Variants in GHDC observed in about 807,000 individuals in gnomAD.
GHDC encodes GH3 domain containing.
GHDC carries 39 observed loss-of-function variants against 51.5 expected under a neutral mutation model. The ratio of observed to expected loss-of-function variants is 0.76; its 90% CI spans 0.59 to 0.99. The LOEUF (loss-of-function observed/expected upper bound fraction) is 0.99, where lower values mean the gene tolerates loss of function less well. GHDC is among the 50% of genes least tolerant of loss of function. The probability of loss-of-function intolerance (pLI) is 0.00; values close to 1 mark genes in which losing one functional copy is unlikely to be tolerated. For synonymous variants in GHDC, 282 were observed against 305.2 expected (o/e 0.92, Z 0.79); for missense variants, 610 against 672.8 (o/e 0.91, Z 1.03).
chr17:42,189,162 G>C lies in GHDC; in HGVS notation c.*541C>G. ...GGGAGTGGGGAAGAGAGGGAAGGGA[G>C]AGCCCCCGCAGGAAGTACATGAATG... is the stretch of plus-strand genomic sequence containing the variant. On this transcript the variant is annotated 3_prime_UTR_variant, in exon 10 of 10. Transcript: ENST00000587427. The C allele has an allele frequency of 2.5e-6, 1 of 398,656 alleles. No homozygotes were observed. Among genetic ancestry groups the C allele is most frequent in the Non-Finnish European group, 4.4e-6 (1 of 226,118 alleles). 24.7% of individuals were successfully genotyped at this position (398,656 alleles called of 1,614,324 possible).
chr17:42,192,343 C>A lies in GHDC; in HGVS notation c.787G>T (p.Val263Leu). ...GCCTGGCCTCCTGCATCCAGAGTCACCACCACCTGCAGCTTTGGCCAGAGC... is the reference window on the plus strand; with the variant it reads ...GCCTGGCCTCCTGCATCCAGAGTCAACACCACCTGCAGCTTTGGCCAGAGC... Reference protein sequence around the residue: ...LRLWPKLQVVVTLDAGGQAEA... With the variant: ...LRLWPKLQVVLTLDAGGQAEA... Residue 263 changes from valine to leucine, a missense_variant, in exon 5 of 10, where the codon GTG (valine) becomes TTG (leucine). Val to Leu is a conservative substitution (Grantham distance 32, BLOSUM62 1). Around this residue, in one of 2 missense-constraint regions of GHDC, gnomAD observed 412 missense variants for 410.4 expected, o/e 1.00. Transcript: ENST00000587427. 1 of 1,613,254 alleles carries A rather than the reference C, an allele frequency of 6.2e-7. No individual in the cohort carries two copies. Among genetic ancestry groups the A allele is most frequent in the Non-Finnish European group, 8.5e-7 (1 of 1,179,848 alleles).
In GHDC at chr17:42,193,601, A is replaced by G. The variant is rs1054856099; in HGVS notation, c.-13-7T>C. 2.0e-6 allele frequency: 3 copies of G among 1,525,450 alleles called. No homozygotes were observed. The highest frequency in any genetic ancestry group is 2.7e-5 in the African/African-American group (2 of 72,822). 94.5% of individuals were successfully genotyped at this position (1,525,450 alleles called of 1,614,324 possible). Reference sequence around the variant, plus strand: ...CAGCATCTCCAAGCAGCTCCTGGGAAGAGGAAGGAACCGAGATATGGGGGC... The same window carrying G: ...CAGCATCTCCAAGCAGCTCCTGGGAGGAGGAAGGAACCGAGATATGGGGGC... On this transcript the variant is annotated splice_region_variant and splice_polypyrimidine_tract_variant and intron_variant, in intron 2 of 9. Coordinates refer to ENST00000587427, the MANE Select transcript of GHDC (RefSeq NM_032484.5).
At chr17:42,190,314 C>CA in intron 8 of GHDC, 44 bp from the exon 9 acceptor site, 2 of 1,614,174 alleles carry the variant, frequency 1.2e-6, no homozygotes, top group Non-Finnish European at 1.7e-6. Context: ...GGTGAATGGG[C>CA]AGCTGCCAAG....
At position 42,191,005 on chromosome 17, in the gene GHDC, T is replaced by C; in HGVS notation, c.1082+13A>G. On this transcript the variant is annotated intron_variant, in intron 6 of 9. Transcript: ENST00000587427. ...ATAGGGCCCCAGGTAGCAGGGGCTG[T>C]GCAGCTGATCACCTGGTGAGGCTGG... is the stretch of plus-strand genomic sequence containing the variant. 6.4e-7 allele frequency: 1 copy of C among 1,568,014 alleles called. No individual in the cohort carries two copies. The highest frequency in any genetic ancestry group is 8.6e-7 in the Non-Finnish European group (1 of 1,158,806).
chr17:42,191,267 C>T (rs768817152), intron 5 of GHDC, 57 bp from the exon 6 acceptor site: 6 of 1,440,122 alleles, frequency 4.2e-6, no homozygotes, highest in Non-Finnish European at 5.5e-6. Context: ...TTCTGCCAGG[C>T]AATAGCCCCT....
rs2079953273 is a variant in GHDC, at chr17:42,189,790, G to C, written c.1506C>G (p.Cys502Trp). The C allele has an allele frequency of 1.3e-6, 2 of 1,545,954 alleles. No homozygotes were observed. Among genetic ancestry groups the C allele is most frequent in the African/African-American group, 1.4e-5 (1 of 73,606 alleles). Residue 502 changes from cysteine (C) to tryptophan (W), a missense_variant, in exon 10 of 10, where the codon TGC becomes TGG. Physicochemically the swap from Cys to Trp is radical, Grantham distance 215 (BLOSUM62 -2). This residue lies in a region of GHDC where 412 missense variants were observed against 410.4 expected (regional missense o/e 1.00). Transcript: ENST00000587427. The stretch of plus-strand genomic sequence containing the variant: ...TCGCAGGGGGGAAGGGGGAGGAGGG[G>C]CAGGCAGCGAGGGCTGCCCGGAGTG... ...FRALRAALAA[C>W]PSSPFPPAMP...
intron 5 of GHDC, 97 bp from the exon 6 acceptor site, chr17:42,191,307 C>T: frequency 1.7e-6 from 2 of 1,163,944 alleles, no homozygotes; most frequent in Non-Finnish European, 1.1e-6. Flanking sequence ...CCTCTGAGCA[C>T]CTGATCCTCC....
rs1279150515 is a variant in GHDC, at chr17:42,192,314, C to T, written c.816G>A (p.Glu272=). Residue 272 remains glutamate, a synonymous_variant, in exon 5 of 10, where the codon GAG becomes GAA. Transcript: ENST00000587427. ...ACAAGGCCCCGAGGGCAGCCACAGC[C>T]TCGGCCTGGCCTCCTGCATCCAGAG... ...VVTLDAGGQA[E]AVAALGALWC... is the part of the protein sequence containing the mutation. 3 of 1,608,556 alleles carry T rather than the reference C, an allele frequency of 1.9e-6. No homozygotes were observed. The highest frequency in any genetic ancestry group is 3.4e-5 in the Admixed American group (2 of 59,634).
chr17:42,190,819 CG>C lies in GHDC; in HGVS notation c.1154+12del. On this transcript the variant is annotated intron_variant, in intron 7 of 9. Transcript: ENST00000587427. Reference sequence around the variant, plus strand: ...ACACAAGGATGGCCCTTCAGCTCCCCGGGGTCACCTACCTGCAGATGAACCT... The same window carrying C: ...ACACAAGGATGGCCCTTCAGCTCCCCGGGTCACCTACCTGCAGATGAACCT... 6.2e-7 allele frequency: 1 copy of C among 1,613,672 alleles called. No homozygotes were observed. The highest frequency in any genetic ancestry group is 8.5e-7 in the Non-Finnish European group (1 of 1,179,888).
Position 42,191,193 on chromosome 17 carries a change from G to A in GHDC, c.907C>T (p.Leu303=), listed in dbSNP as rs1452182053. 1 of 1,524,808 alleles carries A rather than the reference G, an allele frequency of 6.6e-7. No individual in the cohort carries two copies. The highest frequency in any genetic ancestry group is 8.8e-7 in the Non-Finnish European group (1 of 1,139,704). 94.5% of individuals were successfully genotyped at this position (1,524,808 alleles called of 1,614,324 possible). A position where few individuals can be genotyped will look rare whatever the true frequency, so the allele number is the denominator to read the frequency against. ...AGCCCATGGGGCTGCTCTGGCTGTA[G>A]GTTTAGGCCCAGCACCCCTGTGAAA... ...AASGGVLGLN[L]QPEQPHGLYL... The change falls in exon 6 of 10, where the codon CTA becomes TTA. Residue 303 remains leucine (L), a synonymous_variant. Coordinates refer to ENST00000587427, the MANE Select transcript of GHDC (RefSeq NM_032484.5).
At position 42,192,503 on chromosome 17, in the gene GHDC, A is replaced by G. The variant is rs1290366037; in HGVS notation, c.627T>C (p.Val209=). ...EAGTAVELLD[V]FLGLETDGEE... ...CACCATCAGTCTCCAGGCCCAAGAA[A>G]ACATCCAGAAGTTCGACAGCCGTCC... The change falls in exon 5 of 10, where the codon GTT becomes GTC. Residue 209 remains valine, a synonymous_variant. Transcript: ENST00000587427. 3.1e-6 allele frequency: 5 copies of G among 1,613,718 alleles called. No individual in the cohort carries two copies. The highest frequency in any genetic ancestry group is 1.1e-5 in the South Asian group (1 of 91,086).
In GHDC at chr17:42,192,308, C is replaced by A. The variant is rs780699487; in HGVS notation, c.822G>T (p.Val274=). 3 of 1,606,298 alleles carry A rather than the reference C, an allele frequency of 1.9e-6. No homozygotes were observed. Among genetic ancestry groups the A allele is most frequent in the Non-Finnish European group, 2.6e-6 (3 of 1,175,824 alleles). ...TLDAGGQAEA[V]AALGALWCQG... Reference sequence around the variant, plus strand: ...GGCACCACAAGGCCCCGAGGGCAGCCACAGCCTCGGCCTGGCCTCCTGCAT... The same window carrying A: ...GGCACCACAAGGCCCCGAGGGCAGCAACAGCCTCGGCCTGGCCTCCTGCAT... The change falls in exon 5 of 10, where the codon GTG becomes GTT. Residue 274 remains valine, a synonymous_variant. Transcript: ENST00000587427.
In GHDC at chr17:42,193,447, G is replaced by C; in HGVS notation, c.135C>G (p.Val45=). 1 of 1,555,450 alleles carries C rather than the reference G, an allele frequency of 6.4e-7. No homozygotes were observed. Among genetic ancestry groups the C allele is most frequent in the Non-Finnish European group, 8.7e-7 (1 of 1,149,854 alleles). The change falls in exon 3 of 10, where the codon GTC becomes GTG. Residue 45 remains valine (V), a synonymous_variant. Transcript: ENST00000587427. ...LQHRVAWGAL[V]WAATWQRRRL... is the part of the protein sequence containing the mutation. Reference sequence around the variant, plus strand: ...TCCGCCGCTGCCAGGTGGCTGCCCAGACCAGGGCCCCCCATGCCACTCGGT... The same window carrying C: ...TCCGCCGCTGCCAGGTGGCTGCCCACACCAGGGCCCCCCATGCCACTCGGT...
rs777729298 is a variant in GHDC at position 42,192,643 on chromosome 17, G to T, written c.487C>A (p.Pro163Thr). 5.0e-6 allele frequency: 8 copies of T among 1,611,424 alleles called. No individual in the cohort carries two copies. In the South Asian group the frequency reaches 7.7e-5, roughly 15 times the overall value. ...RVTLTSPWPR[P>T]LPWPGNTLGQ... ...AGGGTATTCCCAGGCCAAGGCAGGG[G>T]TCGGGGCCAAGGGGATGTAAGCGTC... Residue 163 changes from proline (P) to threonine (T), a missense_variant, in exon 5 of 10, where the codon CCC (proline) becomes ACC (threonine). This residue lies in a region of GHDC where 198 missense variants were observed against 262.3 expected (regional missense o/e 0.75). Transcript: ENST00000587427.
At chr17:42,190,585 G>A in intron 8 of GHDC, 39 bp downstream of exon 8, 1 of 1,594,286 alleles carries the variant, frequency 6.3e-7, no homozygotes, top group South Asian at 1.1e-5. Flanking sequence ...TTGAAGGGTA[G>A]CTCAAGGATG....
rs554263459 is a variant in GHDC, at chr17:42,190,932, G to A, written c.1083-29C>T. Reference sequence around the variant, plus strand: ...ATGGGGTGCAAGTGGGAGTGAGGTCGGGCCCAAGGTCTTCTGAGCTCATGC... The same window carrying A: ...ATGGGGTGCAAGTGGGAGTGAGGTCAGGCCCAAGGTCTTCTGAGCTCATGC... On this transcript the variant is annotated intron_variant, in intron 6 of 9. Coordinates refer to ENST00000587427, the MANE Select transcript of GHDC (RefSeq NM_032484.5). The A allele has an allele frequency of 9.9e-5, 158 of 1,593,658 alleles. 1 individual carries two copies. In the South Asian group the frequency reaches 1.4e-3, roughly 14 times the overall value.
In GHDC at chr17:42,191,038, C is replaced by A. The variant is rs144825809; in HGVS notation, c.1062G>T (p.Thr354=). The A allele has an allele frequency of 1.7e-4, 265 of 1,580,750 alleles. No homozygotes were observed. The highest frequency in any genetic ancestry group is 2.2e-4 in the Non-Finnish European group (255 of 1,163,926). Residue 354 remains threonine (T), a synonymous_variant, in exon 6 of 10, where the codon ACG becomes ACT. Transcript: ENST00000587427. ...QQGKEYELVL[T]DRASLTRCRL... ...ATCACCTGGTGAGGCTGGCGCGGTC[C>A]GTCAGCACCAGCTCATACTCCTTGC...
rs116773747 is a variant in GHDC at position 42,194,059 on chromosome 17, T to C, written c.-97-209A>G. 425 of 155,466 alleles carry C rather than the reference T, an allele frequency of 2.7e-3. 6 individuals are homozygous for C. The highest frequency in any genetic ancestry group is 9.7e-3 in the African/African-American group (403 of 41,426). 9.6% of individuals were successfully genotyped at this position (155,466 alleles called of 1,614,324 possible). A position where few individuals can be genotyped will look rare whatever the true frequency, so the allele number is the denominator to read the frequency against. On this transcript the variant is annotated intron_variant, in intron 1 of 9. Transcript: ENST00000587427. ...CTAGCCCAGCGTGGTGTCACACCCA[T>C]AGTCGCAGCTACTTGGGAGGCTGAG...
rs751485108 is a variant in GHDC, at chr17:42,190,863, T to G, written c.1123A>C (p.Asn375His). 137 of 1,611,968 alleles carry G rather than the reference T, an allele frequency of 8.5e-5. No homozygotes were observed. Among genetic ancestry groups the G allele is most frequent in the Non-Finnish European group, 1.1e-4 (130 of 1,179,444 alleles). The change falls in exon 7 of 10, where the codon AAT becomes CAT. Residue 375 changes from asparagine to histidine, a missense_variant. Around this residue, in one of 2 missense-constraint regions of GHDC, gnomAD observed 412 missense variants for 410.4 expected, o/e 1.00. Transcript: ENST00000587427. The part of the protein sequence containing the change: ...GDVVRVVGAY[N>H]QCPVVRFICR... ...ATGAACCTGACGACTGGACACTGAT[T>G]GTAGGCACCAACCACTCGCACCACA...
Sources: allele counts gnomAD v4.1 joint callset, GRCh38; gene constraint gnomAD v4.1.1; regional missense constraint gnomAD v4.1.1; transcripts MANE v1.5; gene names NCBI Gene and HGNC (gene_info 2026-07-23, HGNC 2026-07-21).